EXD3: variants seen among roughly 807,000 people sequenced by gnomAD.
EXD3 encodes the protein exonuclease mut-7 homolog.
Under a neutral mutation model 98.0 loss-of-function variants are expected in EXD3, and 92 were observed. That is an observed-to-expected ratio of 0.94 (90% CI 0.79 to 1.12). EXD3 has a LOEUF of 1.12. Among genes scored for constraint, EXD3 ranks in the 50% most tolerant of loss-of-function variants. The pLI is 0.00. For missense variants in EXD3, 1,222 were observed against 1,191.6 expected (o/e 1.03, Z -0.38); for synonymous variants, 569 against 526.0 (o/e 1.08, Z -1.12).
At chr9:137,316,920 G>A (rs1254411811) in intron 19 of EXD3, among the ~76,000 whole-genome samples, 1 of 152,178 alleles carries the variant, frequency 6.6e-6, no homozygotes, top group Non-Finnish European at 1.5e-5. Context: ...CTATGTGGGA[G>A]GGGCACGTTG....
intron 17 of EXD3, among the ~76,000 whole-genome samples, chr9:137,334,862 G>C (rs113214500): frequency 6.6e-6 from 1 of 152,128 alleles, no homozygotes; most frequent in African/African-American, 2.4e-5. Context: ...CGGATCACGA[G>C]GTCAGGAGAT....
At chr9:137,366,411 G>A (rs1174166390) in intron 7 of EXD3, 82 bp downstream of exon 7, 1 of 1,513,446 alleles carries the variant, frequency 6.6e-7, no homozygotes, top group Admixed American at 2.0e-5. Flanking sequence ...CCACGCGCCT[G>A]CTGCCCCCCT....
At chr9:137,353,055 GA>G in intron 10 of EXD3, 1 of 1,293,178 alleles carries the variant, frequency 7.7e-7, no homozygotes, top group Non-Finnish European at 9.8e-7. Flanking sequence ...AGCCTGAGGT[GA>G]AGGCTGCCCA....
chr9:137,315,111 C>T (rs560115928), intron 19 of EXD3, among the ~76,000 whole-genome samples: 4 of 152,324 alleles, frequency 2.6e-5, no homozygotes, highest in Non-Finnish European at 1.5e-5. Flanking sequence ...ACCAGGCTGC[C>T]CCCAAGGCTT....
chr9:137,354,812 C>G, intron 8 of EXD3, 39 bp from the exon 9 acceptor site: 1 of 1,581,368 alleles, frequency 6.3e-7, no homozygotes, highest in Non-Finnish European at 8.6e-7. Context: ...GGGCTCAGGG[C>G]AGCCTCACCA....
intron 5 of EXD3, among the ~76,000 whole-genome samples, 152 bp from the exon 6 acceptor site, chr9:137,368,141 G>A (rs1253241283): frequency 2.0e-5 from 3 of 152,232 alleles, no homozygotes; most frequent in African/African-American, 4.8e-5. Flanking sequence ...CCCTCAGGCC[G>A]AGGGGCCTGG....
Position 137,310,622 on chromosome 9 carries a change from C to T in EXD3, c.2185-922G>A, listed in dbSNP as rs73668239. 8.5e-4 allele frequency among the ~76,000 whole-genome samples: 129 copies of T among 152,276 alleles called. 1 individual carries two copies. Among genetic ancestry groups the T allele is most frequent in the African/African-American group, 2.9e-3 (120 of 41,566 alleles). Reference sequence around the variant, plus strand: ...CGGGAGGCTAGGACCAGCTTACACCCGAGTCCTGACTTGGAGCGGGGTGCA... The same window carrying T: ...CGGGAGGCTAGGACCAGCTTACACCTGAGTCCTGACTTGGAGCGGGGTGCA... On this transcript the variant is annotated intron_variant, in intron 19 of 21. Coordinates refer to ENST00000340951, the MANE Select transcript of EXD3 (RefSeq NM_017820.5).
rs1425412979 is a variant in EXD3 at position 137,403,732 on chromosome 9, C to A, written c.-47-8328G>T. The stretch of plus-strand genomic sequence containing the variant: ...GCAGGGCAGACCCAGCCACGCAGAG[C>A]CCACCGCCAGCTTCCAAGGGCTCCA... On this transcript the variant is annotated intron_variant, in intron 1 of 21. Coordinates refer to ENST00000340951, the MANE Select transcript of EXD3 (RefSeq NM_017820.5). The surrounding 1 kb of genome is among the most constrained non-coding windows in gnomAD (Gnocchi z 6.1). 2.6e-5 allele frequency among the ~76,000 whole-genome samples: 4 copies of A among 152,176 alleles called. No individual in the cohort carries two copies. The highest frequency in any genetic ancestry group is 5.9e-5 in the Non-Finnish European group (4 of 68,026).
At chr9:137,363,111 C>A (rs2119281412) in intron 7 of EXD3, among the ~76,000 whole-genome samples, 1 of 151,956 alleles carries the variant, frequency 6.6e-6, no homozygotes, top group African/African-American at 2.4e-5. Flanking sequence ...ACACCCAGCC[C>A]TCTCATTCTC....
intron 17 of EXD3, among the ~76,000 whole-genome samples, chr9:137,326,301 G>C (rs937418362): frequency 1.3e-5 from 2 of 152,126 alleles, no homozygotes; most frequent in African/African-American, 4.8e-5. Flanking sequence ...TATCTGACGA[G>C]GGGTTGATAT....
intron 13 of EXD3, 41 bp from the exon 14 acceptor site, chr9:137,351,188 G>C: frequency 6.5e-7 from 1 of 1,544,862 alleles, no homozygotes; most frequent in South Asian, 1.2e-5. Flanking sequence ...CCTGCAGGCA[G>C]GGACCGCACT....
At chr9:137,384,897 G>C (rs776888922) in intron 2 of EXD3, among the ~76,000 whole-genome samples, 5 of 152,006 alleles carry the variant, frequency 3.3e-5, no homozygotes, top group Non-Finnish European at 7.3e-5. Flanking sequence ...TTCGAGACCA[G>C]CCTGGCCAAC....
intron 6 of EXD3, chr9:137,367,418 C>A: frequency 6.4e-6 from 1 of 156,574 alleles, no homozygotes. Flanking sequence ...CTCCCCCACC[C>A]TGCCCCTGCT....
At chr9:137,308,795 C>G (rs1244308134) in intron 20 of EXD3, among the ~76,000 whole-genome samples, 1 of 152,082 alleles carries the variant, frequency 6.6e-6, no homozygotes, top group Admixed American at 6.5e-5. Context: ...TGCCACCACA[C>G]CCGGCTAATT....
In EXD3 at chr9:137,407,567, G is replaced by A. The variant is rs1481175697; in HGVS notation, c.-47-12163C>T. Among the ~76,000 whole-genome samples, 6 of 152,170 alleles carry A rather than the reference G, an allele frequency of 3.9e-5. No individual in the cohort carries two copies. The East Asian group carries it at 1.2e-3, about 29-fold the overall frequency. On this transcript the variant is annotated intron_variant, in intron 1 of 21. Transcript: ENST00000340951. This position sits in a 1 kb window ranked among gnomAD's most constrained non-coding sequence, Gnocchi z 4.4. ...CGGGATCCCTTGGCTAAGGGAGGGT[G>A]ACTGGTGGCCCGCAGGCCCTTCAGA...
At chr9:137,370,635 G>C (rs1324768538) in intron 5 of EXD3, among the ~76,000 whole-genome samples, 1 of 151,354 alleles carries the variant, frequency 6.6e-6, no homozygotes, top group Non-Finnish European at 1.5e-5. Context: ...ATCAGGAGGG[G>C]CTGTGGTATC....
In EXD3 at chr9:137,383,391, A is replaced by G. The variant is rs1416392505; in HGVS notation, c.56-14T>C. On this transcript the variant is annotated splice_polypyrimidine_tract_variant and intron_variant, in intron 2 of 21. Coordinates refer to ENST00000340951, the MANE Select transcript of EXD3 (RefSeq NM_017820.5). ...GGGGGTCCCGGCCTGTGGAGATAAGATAACAGCCGTGGGAGGGAGAGGCAG... is the reference window on the plus strand; with the variant it reads ...GGGGGTCCCGGCCTGTGGAGATAAGGTAACAGCCGTGGGAGGGAGAGGCAG... The G allele has an allele frequency of 1.3e-6, 2 of 1,536,288 alleles. No individual in the cohort carries two copies.
chr9:137,373,199 C>T (rs1228656168), intron 4 of EXD3, 127 bp from the exon 5 acceptor site: 15 of 1,242,550 alleles, frequency 1.2e-5, no homozygotes, highest in Non-Finnish European at 1.7e-5. Flanking sequence ...ATCGGGTGGT[C>T]TGCAGGGCTG....
intron 3 of EXD3, among the ~76,000 whole-genome samples, chr9:137,381,885 T>C (rs1260128620): frequency 6.6e-6 from 1 of 152,134 alleles, no homozygotes; most frequent in South Asian, 2.1e-4. Flanking sequence ...CATGTGGCAT[T>C]CGCCAGCTTG....
Sources: gnomAD v4.1 joint callset for allele counts (sites outside exome capture counted in the v4.1 genomes callset) on GRCh38, gnomAD v4.1.1 for gene constraint, Gnocchi (gnomAD v3.1) non-coding constraint, MANE v1.5 for transcripts, NCBI Gene and HGNC (gene_info 2026-07-23, HGNC 2026-07-21) for gene names.